CTNNBL1: variants seen among roughly 807,000 people sequenced by gnomAD.
The protein encoded by CTNNBL1 is catenin beta like 1.
In CTNNBL1, 31 loss-of-function variants were observed where a neutral mutation model predicts 72.7. The ratio of observed to expected loss-of-function variants is 0.43; its 90% CI spans 0.32 to 0.58. CTNNBL1 has a LOEUF of 0.58. Among genes scored for constraint, CTNNBL1 ranks in the 20% least tolerant of loss-of-function variants. The probability of loss-of-function intolerance (pLI) is 0.08; values close to 1 mark genes in which losing one functional copy is unlikely to be tolerated. For missense variants in CTNNBL1, 534 were observed against 725.1 expected (o/e 0.74, Z 3.03); for synonymous variants, 240 against 267.3 (o/e 0.90, Z 1.00).
intron 11 of CTNNBL1, among the ~76,000 whole-genome samples, chr20:37,827,666 A>G (rs915015115): frequency 5.3e-5 from 8 of 152,178 alleles, no homozygotes; most frequent in African/African-American, 1.9e-4. Context: ...ACTGTTAGAT[A>G]TACCCGGGTG....
intron 1 of CTNNBL1, among the ~76,000 whole-genome samples, chr20:37,698,973 G>A (rs367930148): frequency 6.6e-6 from 1 of 152,172 alleles, no homozygotes. Flanking sequence ...TTGAGCCTGG[G>A]AAGCAGAAGT....
chr20:37,789,163 A>G (rs1463315849), intron 10 of CTNNBL1, among the ~76,000 whole-genome samples: 1 of 152,228 alleles, frequency 6.6e-6, no homozygotes, highest in Non-Finnish European at 1.5e-5. Flanking sequence ...ATAAATGAAA[A>G]GAAAAGATGA....
chr20:37,866,266 A>G (rs1476015880), intron 15 of CTNNBL1, among the ~76,000 whole-genome samples: 1 of 152,240 alleles, frequency 6.6e-6, no homozygotes, highest in Non-Finnish European at 1.5e-5. Context: ...AGTTCACCCA[A>G]GAGGGCTCTC....
chr20:37,726,214 A>G (rs1003405755), intron 1 of CTNNBL1, among the ~76,000 whole-genome samples: 6 of 152,242 alleles, frequency 3.9e-5, no homozygotes, highest in African/African-American at 1.4e-4. Context: ...CAAACAGGTT[A>G]GGAATCATTA....
chr20:37,831,428 C>T (rs2072209035), intron 11 of CTNNBL1, among the ~76,000 whole-genome samples: 1 of 151,394 alleles, frequency 6.6e-6, no homozygotes, highest in East Asian at 1.9e-4. Flanking sequence ...TGCAGTGGTG[C>T]GATCTCGGCT....
intron 1 of CTNNBL1, among the ~76,000 whole-genome samples, chr20:37,707,788 T>C (rs2072900472): frequency 6.6e-6 from 1 of 152,256 alleles, no homozygotes; most frequent in Non-Finnish European, 1.5e-5. Context: ...CTTTCCTCAC[T>C]AAAGCTTAAT....
chr20:37,764,414 A>G (rs1298379517), intron 5 of CTNNBL1, among the ~76,000 whole-genome samples: 1 of 152,220 alleles, frequency 6.6e-6, no homozygotes. Context: ...AGCATGAAGT[A>G]GTAAAAGCAT....
At chr20:37,720,737 T>C (rs1240971498) in intron 1 of CTNNBL1, among the ~76,000 whole-genome samples, 3 of 152,156 alleles carry the variant, frequency 2.0e-5, no homozygotes, top group Non-Finnish European at 4.4e-5. Flanking sequence ...TATATGCTAA[T>C]ATATATAGAG....
intron 11 of CTNNBL1, among the ~76,000 whole-genome samples, chr20:37,823,393 C>G (rs567094722): frequency 2.0e-5 from 3 of 152,304 alleles, no homozygotes; most frequent in Admixed American, 2.0e-4. Flanking sequence ...CGCCTTGGGT[C>G]TGCAGCAAGT....
intron 11 of CTNNBL1, among the ~76,000 whole-genome samples, chr20:37,827,018 C>A (rs1428749489): frequency 6.6e-6 from 1 of 152,230 alleles, no homozygotes; most frequent in Non-Finnish European, 1.5e-5. Context: ...CTGTGCCTCA[C>A]AGAGGTAACC....
At chr20:37,864,343 G>C (rs554130478) in intron 15 of CTNNBL1, among the ~76,000 whole-genome samples, 49 of 152,246 alleles carry the variant, frequency 3.2e-4, no homozygotes, top group African/African-American at 1.2e-3. Context: ...TTAGATGCAA[G>C]CTTTTTTCTT....
intron 10 of CTNNBL1, among the ~76,000 whole-genome samples, chr20:37,798,424 C>G (rs1018405983): frequency 6.6e-6 from 1 of 152,144 alleles, no homozygotes. Context: ...CTGGCGTGAT[C>G]GACAGCCTGA....
intron 5 of CTNNBL1, among the ~76,000 whole-genome samples, chr20:37,758,928 T>C (rs997883401): frequency 1.3e-5 from 2 of 150,486 alleles, no homozygotes; most frequent in African/African-American, 4.9e-5. Flanking sequence ...GCCCACCCCC[T>C]CCTCACCCTT....
chr20:37,746,830 C>T (rs1304458026), intron 4 of CTNNBL1, among the ~76,000 whole-genome samples: 1 of 152,202 alleles, frequency 6.6e-6, no homozygotes, highest in Non-Finnish European at 1.5e-5. Flanking sequence ...TTAAAATTGT[C>T]CTATTTGCTC....
chr20:37,694,213 C>CAG, intron 1 of CTNNBL1, 61 bp downstream of exon 1: 1 of 1,471,406 alleles, frequency 6.8e-7, no homozygotes, highest in Non-Finnish European at 9.1e-7. Flanking sequence ...TCGCAGGAGC[C>CAG]AGAGCCCTTT....
At chr20:37,802,201 C>T (rs1163759098) in intron 10 of CTNNBL1, among the ~76,000 whole-genome samples, 1 of 152,170 alleles carries the variant, frequency 6.6e-6, no homozygotes, top group African/African-American at 2.4e-5. Context: ...ATATGTGCTA[C>T]AACATGGATG....
At chr20:37,791,864 A>T (rs1315760180) in intron 10 of CTNNBL1, among the ~76,000 whole-genome samples, 1 of 152,198 alleles carries the variant, frequency 6.6e-6, no homozygotes, top group Non-Finnish European at 1.5e-5. Flanking sequence ...CTTCCACTAA[A>T]CTGGTCCCTG....
intron 3 of CTNNBL1, among the ~76,000 whole-genome samples, chr20:37,743,259 C>T (rs888170060): frequency 6.6e-6 from 1 of 151,878 alleles, no homozygotes; most frequent in African/African-American, 2.4e-5. Flanking sequence ...TACACTCACT[C>T]ACATAAGGCA....
chr20:37,776,635 G>A (rs2073576029), intron 7 of CTNNBL1, among the ~76,000 whole-genome samples: 2 of 152,158 alleles, frequency 1.3e-5, no homozygotes, highest in Middle Eastern at 3.4e-3. Flanking sequence ...TCTCACTACC[G>A]AAGCAACACT....
Sources: allele counts gnomAD v4.1 joint callset (sites outside exome capture counted in the v4.1 genomes callset), GRCh38; gene constraint gnomAD v4.1.1; transcripts MANE v1.5; gene names NCBI Gene and HGNC (gene_info 2026-07-23, HGNC 2026-07-21).